Variants in ARFIP1 observed in about 807,000 individuals in gnomAD.
ARFIP1 encodes the protein ARF interacting protein 1.
A neutral mutation model predicts 42.5 loss-of-function variants in ARFIP1; 24 were observed. The ratio of observed to expected loss-of-function variants is 0.57; its 90% confidence interval spans 0.41 to 0.80. The LOEUF is 0.80. Ranked by LOEUF, ARFIP1 falls within the 30% of genes least tolerant of loss-of-function variation. ARFIP1 has a pLI of 0.00. For missense variants in ARFIP1, 354 were observed against 434.0 expected (o/e 0.82, Z 1.64); for synonymous variants, 141 against 153.7 (o/e 0.92, Z 0.61).
At chr4:152,860,016 A>G (rs1321559338) in intron 2 of ARFIP1, among the ~76,000 whole-genome samples, 1 of 152,130 alleles carries the variant, frequency 6.6e-6, no homozygotes, top group Non-Finnish European at 1.5e-5. Context: ...ATATGAAAAT[A>G]CATTCTTAGA....
At chr4:152,854,342 CTT>C (rs1733248698) in intron 2 of ARFIP1, among the ~76,000 whole-genome samples, 1 of 152,144 alleles carries the variant, frequency 6.6e-6, no homozygotes, top group Non-Finnish European at 1.5e-5. Context: ...ATCTTTATCT[CTT>C]TGGTAAATTT....
chr4:152,886,475 A>G (rs1275420983), intron 7 of ARFIP1, among the ~76,000 whole-genome samples: 1 of 151,954 alleles, frequency 6.6e-6, no homozygotes. Flanking sequence ...TTACAAATCT[A>G]TGCCTTTGTC....
intron 8 of ARFIP1, among the ~76,000 whole-genome samples, chr4:152,896,544 AATC>A (rs1238886983): frequency 2.2e-4 from 33 of 152,322 alleles, no homozygotes; most frequent in African/African-American, 7.5e-4. Flanking sequence ...AAGAATGTAT[AATC>A]ATATTTTCTT....
Position 152,872,531 on chromosome 4 carries a change from A to G in ARFIP1, c.378A>G (p.Glu126=). ...AAAATCCTGCAATGGAAAAGTTAGA[A>G]CTTGTTAGAAAATGGAGTCTAAACA... The part of the protein sequence containing the change: ...EIKNPAMEKL[E]LVRKWSLNTY... The change falls in exon 5 of 9, where the codon GAA becomes GAG. Residue 126 remains glutamate (E), a synonymous_variant. Transcript: ENST00000353617. 1 of 1,608,872 alleles carries G rather than the reference A, an allele frequency of 6.2e-7. No homozygotes were observed. Among genetic ancestry groups the G allele is most frequent in the South Asian group, 1.1e-5 (1 of 90,422 alleles).
intron 1 of ARFIP1, among the ~76,000 whole-genome samples, chr4:152,798,481 T>C (rs2149821416): frequency 6.6e-6 from 1 of 152,336 alleles, no homozygotes; most frequent in Middle Eastern, 3.4e-3. Flanking sequence ...ATCTTAGTGG[T>C]ATGGAGAAAA....
chr4:152,882,309 C>A (rs968104440), intron 6 of ARFIP1, among the ~76,000 whole-genome samples: 4 of 151,990 alleles, frequency 2.6e-5, no homozygotes, highest in African/African-American at 7.2e-5. Context: ...AAAAAAAATG[C>A]ACTTTGTTTT....
intron 8 of ARFIP1, among the ~76,000 whole-genome samples, chr4:152,890,990 G>A (rs757662973): frequency 1.8e-4 from 28 of 152,110 alleles, no homozygotes; most frequent in Admixed American, 1.2e-3. Flanking sequence ...CTAGAGGCTG[G>A]GAAGTTCACA....
intron 1 of ARFIP1, among the ~76,000 whole-genome samples, chr4:152,792,827 T>C (rs1272881223): frequency 6.6e-6 from 1 of 152,188 alleles, no homozygotes; most frequent in East Asian, 1.9e-4. Context: ...AAATGTGATT[T>C]TTATAGTAAA....
intron 1 of ARFIP1, among the ~76,000 whole-genome samples, chr4:152,818,400 T>C (rs1412372807): frequency 2.0e-5 from 3 of 151,982 alleles, no homozygotes; most frequent in Non-Finnish European, 1.5e-5. Flanking sequence ...TAGTGAGCAG[T>C]GGGGAATATA....
At position 152,812,985 on chromosome 4, in the gene ARFIP1, T is replaced by C. The variant is rs567351892; in HGVS notation, c.-9-16640T>C. Among the ~76,000 whole-genome samples the C allele has an allele frequency of 2.6e-5, 4 of 152,354 alleles. No homozygotes were observed. In the South Asian group the frequency reaches 8.3e-4, roughly 32 times the overall value. Reference sequence around the variant, plus strand: ...TGTAAAATAGTCTTTCAAATAGCTTTTCTGTCTTCAGTCTGTGATGCTTTC... The same window carrying C: ...TGTAAAATAGTCTTTCAAATAGCTTCTCTGTCTTCAGTCTGTGATGCTTTC... On this transcript the variant is annotated intron_variant, in intron 1 of 8. Transcript: ENST00000353617.
intron 2 of ARFIP1, among the ~76,000 whole-genome samples, chr4:152,843,731 G>A (rs189763903): frequency 2.6e-5 from 4 of 152,102 alleles, no homozygotes; most frequent in East Asian, 1.9e-4. Context: ...CACGCAGCTC[G>A]CACGCAAACT....
chr4:152,840,605 C>A (rs1312431191), intron 2 of ARFIP1, among the ~76,000 whole-genome samples: 1 of 151,934 alleles, frequency 6.6e-6, no homozygotes, highest in East Asian at 1.9e-4. Flanking sequence ...GCATAAAATG[C>A]CTTTTACCAC....
At chr4:152,797,946 G>C (rs114896999) in intron 1 of ARFIP1, among the ~76,000 whole-genome samples, 1 of 152,008 alleles carries the variant, frequency 6.6e-6, no homozygotes, top group East Asian at 1.9e-4. Flanking sequence ...GGCTAATACC[G>C]CTGGTATGAT....
intron 1 of ARFIP1, among the ~76,000 whole-genome samples, chr4:152,805,919 GC>G (rs1728960305): frequency 6.6e-6 from 1 of 152,194 alleles, no homozygotes; most frequent in Admixed American, 6.5e-5. Flanking sequence ...GTAATACAAG[GC>G]GGGCTCTGCC....
chr4:152,875,480 A>G (rs533224569), intron 5 of ARFIP1, among the ~76,000 whole-genome samples: 3 of 148,162 alleles, frequency 2.0e-5, no homozygotes, highest in South Asian at 2.2e-4. Context: ...AGAATTTGCC[A>G]TTAGCATTCA....
At chr4:152,819,433 C>G (rs1730177190) in intron 1 of ARFIP1, among the ~76,000 whole-genome samples, 1 of 152,178 alleles carries the variant, frequency 6.6e-6, no homozygotes, top group Admixed American at 6.5e-5. Flanking sequence ...CCCTCCCACC[C>G]CCATCGGAGC....
chr4:152,792,236 T>C (rs1252983189), intron 1 of ARFIP1, among the ~76,000 whole-genome samples: 2 of 152,222 alleles, frequency 1.3e-5, no homozygotes, highest in Non-Finnish European at 2.9e-5. Context: ...ATATCATTAT[T>C]TATAGTACTT....
At chr4:152,827,339 C>A (rs542434493) in intron 1 of ARFIP1, among the ~76,000 whole-genome samples, 10 of 152,278 alleles carry the variant, frequency 6.6e-5, no homozygotes, top group African/African-American at 2.4e-4. Flanking sequence ...ACTGCCTGTT[C>A]CCATACATGC....
intron 1 of ARFIP1, among the ~76,000 whole-genome samples, chr4:152,822,296 T>TAAAAAAAAAAAAAAAAAAAAAAAGAAAA (rs1730447161): frequency 4.6e-5 from 3 of 65,572 alleles, no homozygotes; most frequent in Non-Finnish European, 9.9e-5. Context: ...GCAACAGCAG[T>TAAAAAAAAAAAAAAAAAAAAAAAGAAAA]AAAAAAAAAA....
Sources: allele counts gnomAD v4.1 joint callset (sites outside exome capture counted in the v4.1 genomes callset), GRCh38; gene constraint gnomAD v4.1.1; transcripts MANE v1.5; gene names NCBI Gene and HGNC (gene_info 2026-07-23, HGNC 2026-07-21).